Variants in ARL6IP6 observed in about 807,000 individuals in gnomAD.
ARL6IP6 encodes ARF like GTPase 6 interacting protein 6.
Under a neutral mutation model 21.5 loss-of-function variants are expected in ARL6IP6, and 22 were observed. That is an observed-to-expected ratio of 1.02 (90% CI 0.73 to 1.46). The LOEUF (loss-of-function observed/expected upper bound fraction) is 1.46, where lower values mean the gene tolerates loss of function less well. Among genes scored for constraint, ARL6IP6 ranks in the 40% most tolerant of loss-of-function variants. The pLI, the probability that ARL6IP6 is intolerant of heterozygous loss-of-function variation, is 0.00. For synonymous variants in ARL6IP6, 164 were observed against 125.3 expected (o/e 1.31, Z -2.06); for missense variants, 388 against 299.8 (o/e 1.29, Z -2.17).
At chr2:152,735,242 A>G (rs914943197) in intron 3 of ARL6IP6, 116 bp downstream of exon 3, 3 of 1,124,988 alleles carry the variant, frequency 2.7e-6, no homozygotes, top group Middle Eastern at 2.1e-4. Flanking sequence ...GTCTTTATAA[A>G]GCACTAATAA....
chr2:152,735,988 T>C (rs1700533315), intron 3 of ARL6IP6, among the ~76,000 whole-genome samples: 1 of 152,176 alleles, frequency 6.6e-6, no homozygotes, highest in South Asian at 2.1e-4. Flanking sequence ...CCAATTTTTT[T>C]TGTCTCATAT....
rs987634664 is a variant in ARL6IP6 at position 152,744,374 on chromosome 2, T to A, written c.587+9248T>A. On this transcript the variant is annotated intron_variant, in intron 3 of 3. Transcript: ENST00000326446. The stretch of plus-strand genomic sequence containing the variant: ...CAGTTGAATGTCTATTTTATAGAAG[T>A]CAGCATGAATTTACTCTTACATTTT... Among the ~76,000 whole-genome samples, 11 of 152,246 alleles carry A rather than the reference T, an allele frequency of 7.2e-5. No homozygotes were observed. In the South Asian group the frequency reaches 1.7e-3, roughly 23 times the overall value.
chr2:152,736,928 T>G (rs1700579642), intron 3 of ARL6IP6, among the ~76,000 whole-genome samples: 1 of 152,138 alleles, frequency 6.6e-6, no homozygotes, highest in South Asian at 2.1e-4. Flanking sequence ...ATTTTGGTGT[T>G]TGTGGGAATC....
At chr2:152,730,048 T>C (rs772732679) in intron 2 of ARL6IP6, among the ~76,000 whole-genome samples, 18 of 152,216 alleles carry the variant, frequency 1.2e-4, no homozygotes, top group Non-Finnish European at 2.2e-4. Context: ...TAAACACTTC[T>C]AGACCACAAT....
At chr2:152,721,612 C>G (rs1017658213) in intron 2 of ARL6IP6, among the ~76,000 whole-genome samples, 1 of 152,188 alleles carries the variant, frequency 6.6e-6, no homozygotes, top group African/African-American at 2.4e-5. Flanking sequence ...TCACATGAAT[C>G]AAGTCATTTG....
chr2:152,729,473 T>C (rs946534019), intron 2 of ARL6IP6, among the ~76,000 whole-genome samples: 1 of 152,232 alleles, frequency 6.6e-6, no homozygotes, highest in Non-Finnish European at 1.5e-5. Context: ...GTAGCAGTTA[T>C]TCTGGAAATT....
chr2:152,718,925 C>T lies in ARL6IP6; in HGVS notation c.301C>T (p.Pro101Ser). ...CGCGGCCGCGGGCAGCAGAGCCCAG[C>T]CTCGGCGGTGGCCGGTCCAGGTCCT... ...FPAAAGSRAQ[P>S]RRWPVQVLSI... Residue 101 changes from proline (P) to serine (S), a missense_variant, in exon 1 of 4, where the codon CCT becomes TCT. Pro to Ser is a moderately conservative substitution (Grantham distance 74). Coordinates refer to ENST00000326446, the MANE Select transcript of ARL6IP6 (RefSeq NM_152522.7). 1 of 1,613,894 alleles carries T rather than the reference C, an allele frequency of 6.2e-7. No individual in the cohort carries two copies. The highest frequency in any genetic ancestry group is 8.5e-7 in the Non-Finnish European group (1 of 1,179,884).
chr2:152,717,693 C>CT, upstream of ARL6IP6: 1 of 1,402,688 alleles, frequency 7.1e-7, no homozygotes, highest in Non-Finnish European at 9.3e-7. Flanking sequence ...CGGGAAAACT[C>CT]TACCAACTTC....
At chr2:152,746,226 C>A (rs1351970588) in intron 3 of ARL6IP6, among the ~76,000 whole-genome samples, 1 of 151,952 alleles carries the variant, frequency 6.6e-6, no homozygotes, top group Non-Finnish European at 1.5e-5. Flanking sequence ...GGGGTTTTGC[C>A]ATGTTGCCCT....
chr2:152,736,517 G>T (rs1488150245), intron 3 of ARL6IP6, among the ~76,000 whole-genome samples: 1 of 152,154 alleles, frequency 6.6e-6, no homozygotes, highest in Non-Finnish European at 1.5e-5. Context: ...TATTCACCAA[G>T]TCCAGTCCTT....
chr2:152,743,439 T>A lies in ARL6IP6; in HGVS notation c.587+8313T>A, dbSNP rs150608980. Among the ~76,000 whole-genome samples the A allele has an allele frequency of 5.8e-3, 890 of 152,290 alleles. 6 individuals are homozygous for A. The highest frequency in any genetic ancestry group is 0.02 in the African/African-American group (852 of 41,562). On this transcript the variant is annotated intron_variant, in intron 3 of 3. Coordinates refer to ENST00000326446, the MANE Select transcript of ARL6IP6 (RefSeq NM_152522.7). ...TAACCTTCACAGTAGGACATTAACA[T>A]TGTAGGAATGTAAAACAACCTGGGG... is the stretch of plus-strand genomic sequence containing the variant.
At chr2:152,720,455 C>T (rs767723307) in intron 1 of ARL6IP6, 78 bp from the exon 2 acceptor site, 2 of 1,410,492 alleles carry the variant, frequency 1.4e-6, no homozygotes, top group Non-Finnish European at 2.0e-6. Context: ...CACAGCTCCA[C>T]AATGCCTTCA....
chr2:152,751,907 G>A (rs1243316623), intron 3 of ARL6IP6, among the ~76,000 whole-genome samples: 2 of 152,068 alleles, frequency 1.3e-5, no homozygotes, highest in African/African-American at 4.8e-5. Context: ...GGAATTGCTG[G>A]ATTATATGGT....
At position 152,733,204 on chromosome 2, in the gene ARL6IP6, A is replaced by AT. The variant is rs1700403187; in HGVS notation, c.455-1784dup. 2.0e-5 allele frequency among the ~76,000 whole-genome samples: 3 copies of AT among 152,088 alleles called. No individual in the cohort carries two copies. In the East Asian group the frequency reaches 5.8e-4, roughly 29 times the overall value. On this transcript the variant is annotated intron_variant, in intron 2 of 3. Transcript: ENST00000326446. Reference sequence around the variant, plus strand: ...GTGGTCACCCCATTGAATTAGTAACATTTTTTATTAATCTATTTGGGCCTT... The same window carrying AT: ...GTGGTCACCCCATTGAATTAGTAACATTTTTTTATTAATCTATTTGGGCCTT...
intron 2 of ARL6IP6, among the ~76,000 whole-genome samples, chr2:152,733,879 C>T (rs1700436798): frequency 6.6e-6 from 1 of 152,132 alleles, no homozygotes; most frequent in Non-Finnish European, 1.5e-5. Flanking sequence ...TTATTTTGCT[C>T]ATCCCTATAT....
intron 2 of ARL6IP6, chr2:152,732,387 A>C (rs1267117102): frequency 4.2e-6 from 1 of 237,788 alleles, no homozygotes; most frequent in African/African-American, 2.4e-5. Flanking sequence ...TTGATGAAAA[A>C]ATGATACCTA....
At chr2:152,735,181 AC>A in intron 3 of ARL6IP6, 55 bp downstream of exon 3, 1 of 1,583,266 alleles carries the variant, frequency 6.3e-7, no homozygotes, top group Non-Finnish European at 8.7e-7. Context: ...TCTTGAAAAT[AC>A]TAAAATACTC....
intron 3 of ARL6IP6, among the ~76,000 whole-genome samples, chr2:152,746,748 G>C (rs1007531810): frequency 6.6e-5 from 10 of 150,754 alleles, no homozygotes; most frequent in African/African-American, 2.4e-4. Context: ...CTGGAAGTCT[G>C]ACCATGGCCT....
intron 1 of ARL6IP6, 104 bp downstream of exon 1, chr2:152,719,128 T>C: frequency 7.6e-7 from 1 of 1,313,916 alleles, no homozygotes; most frequent in Non-Finnish European, 1.0e-6. Context: ...GCCCTCAGGC[T>C]GGCAGCTGCT....
Sources: gnomAD v4.1 joint callset for allele counts (sites outside exome capture counted in the v4.1 genomes callset) on GRCh38, gnomAD v4.1.1 for gene constraint, MANE v1.5 for transcripts, NCBI Gene and HGNC (gene_info 2026-07-23, HGNC 2026-07-21) for gene names.